GFRA2: variants seen among roughly 807,000 people sequenced by gnomAD.
The protein encoded by GFRA2 is GDNF family receptor alpha-2.
A neutral mutation model predicts 48.3 loss-of-function variants in GFRA2; 17 were observed. That is an observed-to-expected ratio of 0.35 (90% CI 0.24 to 0.53). The LOEUF is 0.53. Among genes scored for constraint, GFRA2 ranks in the 20% least tolerant of loss-of-function variants. The pLI, the probability that GFRA2 is intolerant of heterozygous loss-of-function variation, is 0.93. For synonymous variants in GFRA2, 305 were observed against 257.2 expected (o/e 1.19, Z -1.78); for missense variants, 660 against 637.3 (o/e 1.04, Z -0.38).
intron 2 of GFRA2, among the ~76,000 whole-genome samples, chr8:21,801,183 C>A (rs1268539708): frequency 6.6e-6 from 1 of 152,070 alleles, no homozygotes; most frequent in Non-Finnish European, 1.5e-5. Context: ...GCCAAACTGT[C>A]CACACCTGAT....
intron 3 of GFRA2, among the ~76,000 whole-genome samples, chr8:21,761,371 G>T (rs1428775889): frequency 2.0e-5 from 3 of 152,246 alleles, no homozygotes; most frequent in Non-Finnish European, 2.9e-5. Context: ...CAAGTAAACA[G>T]ATGGAAACTT....
At chr8:21,773,777 C>A (rs1234233926) in intron 3 of GFRA2, among the ~76,000 whole-genome samples, 1 of 152,216 alleles carries the variant, frequency 6.6e-6, no homozygotes, top group Non-Finnish European at 1.5e-5. Flanking sequence ...ATGCTTTCAG[C>A]TCACAGTTTA....
At chr8:21,760,380 A>G (rs948897753) in intron 3 of GFRA2, among the ~76,000 whole-genome samples, 5 of 152,142 alleles carry the variant, frequency 3.3e-5, no homozygotes, top group African/African-American at 1.2e-4. Flanking sequence ...GACTGCAGAG[A>G]GGGCAAAATG....
intron 4 of GFRA2, among the ~76,000 whole-genome samples, chr8:21,707,453 C>A (rs1157628247): frequency 2.6e-5 from 4 of 152,258 alleles, no homozygotes; most frequent in Non-Finnish European, 5.9e-5. Flanking sequence ...GCTGAGGGGG[C>A]CCCCACCATG....
intron 2 of GFRA2, among the ~76,000 whole-genome samples, chr8:21,800,889 G>A (rs1367279488): frequency 6.7e-6 from 1 of 148,794 alleles, no homozygotes; most frequent in African/African-American, 2.5e-5. Flanking sequence ...GTGCACCCCT[G>A]CACTCCAGCC....
intron 3 of GFRA2, among the ~76,000 whole-genome samples, chr8:21,770,576 C>T (rs1806391240): frequency 1.3e-5 from 2 of 152,204 alleles, no homozygotes; most frequent in African/African-American, 4.8e-5. Context: ...TCCCTTCCAG[C>T]TTCAGAAAGG....
In GFRA2 at chr8:21,700,451, A is replaced by G. The variant is rs1277822228; in HGVS notation, c.1218+2354T>C. Among the ~76,000 whole-genome samples the G allele has an allele frequency of 1.2e-4, 18 of 152,034 alleles. No individual in the cohort carries two copies. The South Asian group carries it at 3.7e-3, about 32-fold the overall frequency. On this transcript the variant is annotated intron_variant, in intron 7 of 8. Coordinates refer to ENST00000524240, the MANE Select transcript of GFRA2 (RefSeq NM_001495.5). ...TGGCTCTACTGTGGTGGCGTCCAAG[A>G]CTCCCACAGCCCCACTGAACAGCCC...
intron 4 of GFRA2, among the ~76,000 whole-genome samples, chr8:21,714,246 C>CTGTTTTTTTTTT (rs1554487215): frequency 1.3e-5 from 1 of 78,400 alleles, no homozygotes; most frequent in Non-Finnish European, 2.2e-5. Flanking sequence ...GTCTGAAGTT[C>CTGTTTTTTTTTT]TTTTTTTTTT....
chr8:21,736,741 ATCC>A (rs1464945902), intron 4 of GFRA2, among the ~76,000 whole-genome samples: 1 of 151,976 alleles, frequency 6.6e-6, no homozygotes, highest in Non-Finnish European at 1.5e-5. Flanking sequence ...GCCTCAAGCA[ATCC>A]TCCTGCCAAA....
intron 1 of GFRA2, among the ~76,000 whole-genome samples, chr8:21,785,612 T>C (rs1807233698): frequency 1.3e-5 from 2 of 152,204 alleles, no homozygotes; most frequent in South Asian, 2.1e-4. Flanking sequence ...ATTGCCCTAC[T>C]GCATCCAACA....
rs1418537274 is a variant in GFRA2 at position 21,770,123 on chromosome 8, C to G, written c.439+4849G>C. Among the ~76,000 whole-genome samples, 41 of 152,198 alleles carry G rather than the reference C, an allele frequency of 2.7e-4. 2 individuals are homozygous for G. ...AAGACTCCCTCTGAGCTTCAGGGAC[C>G]CACAGCTCTCTGGAAATCACCTGAT... is the stretch of plus-strand genomic sequence containing the variant. On this transcript the variant is annotated intron_variant, in intron 3 of 8. Coordinates refer to ENST00000524240, the MANE Select transcript of GFRA2 (RefSeq NM_001495.5).
At chr8:21,715,455 C>T (rs780996091) in intron 4 of GFRA2, among the ~76,000 whole-genome samples, 37 of 152,280 alleles carry the variant, frequency 2.4e-4, no homozygotes, top group Non-Finnish European at 3.7e-4. Context: ...GCTATAGGCA[C>T]GCACCACCAC....
At chr8:21,767,460 G>A (rs959230359) in intron 3 of GFRA2, among the ~76,000 whole-genome samples, 7 of 152,378 alleles carry the variant, frequency 4.6e-5, no homozygotes, top group Non-Finnish European at 8.8e-5. Flanking sequence ...TTACAGGAGC[G>A]TGCAGGCATG....
intron 3 of GFRA2, among the ~76,000 whole-genome samples, chr8:21,769,791 C>G (rs1806359941): frequency 1.3e-5 from 2 of 152,126 alleles, no homozygotes; most frequent in African/African-American, 4.8e-5. Flanking sequence ...GCACCAGGGG[C>G]CGGTGGTGGT....
At chr8:21,782,494 C>T in intron 2 of GFRA2, 91 bp downstream of exon 2, 1 of 986,648 alleles carries the variant, frequency 1.0e-6, no homozygotes, top group Non-Finnish European at 1.5e-6. Flanking sequence ...GCGCCACCAC[C>T]TAGTCCTCCC....
At chr8:21,705,736 T>TA (rs1563217684) in intron 5 of GFRA2, among the ~76,000 whole-genome samples, 196 bp downstream of exon 5, 1 of 152,156 alleles carries the variant, frequency 6.6e-6, no homozygotes, top group African/African-American at 2.4e-5. Context: ...TCCCCCATGA[T>TA]AAAGAGCTAG....
chr8:21,716,996 T>TC (rs1169200619), intron 4 of GFRA2, among the ~76,000 whole-genome samples: 2 of 152,244 alleles, frequency 1.3e-5, no homozygotes, highest in Non-Finnish European at 2.9e-5. Context: ...TGCTGTCTCT[T>TC]TAAATAAACA....
At chr8:21,809,618 C>T (rs551456436) in intron 1 of GFRA2, among the ~76,000 whole-genome samples, 11 of 152,302 alleles carry the variant, frequency 7.2e-5, no homozygotes, top group African/African-American at 2.4e-5. Context: ...TGAGCCACCG[C>T]GCCCGGCCAA....
intron 4 of GFRA2, among the ~76,000 whole-genome samples, chr8:21,711,704 G>C (rs368718122): frequency 9.9e-6 from 1 of 101,082 alleles, no homozygotes; most frequent in Non-Finnish European, 2.0e-5. Flanking sequence ...TTTTTTTTTT[G>C]ATCATTCTTG....
Sources: gnomAD v4.1 joint callset for allele counts (sites outside exome capture counted in the v4.1 genomes callset) on GRCh38, gnomAD v4.1.1 for gene constraint, MANE v1.5 for transcripts, NCBI Gene and HGNC (gene_info 2026-07-23, HGNC 2026-07-21) for gene names.